ZBTB38: variants seen among roughly 807,000 people sequenced by gnomAD.
ZBTB38 encodes zinc finger and BTB domain containing 38.
In ZBTB38, 20 loss-of-function variants were observed where a neutral mutation model predicts 76.8. The ratio of observed to expected loss-of-function variants is 0.26; its 90% CI spans 0.18 to 0.38. ZBTB38 has a LOEUF of 0.38. Ranked by LOEUF, ZBTB38 falls within the 10% of genes least tolerant of loss-of-function variation. The probability of loss-of-function intolerance (pLI) is 1.00; values close to 1 mark genes in which losing one functional copy is unlikely to be tolerated. For synonymous variants in ZBTB38, 504 were observed against 544.2 expected, an observed-to-expected ratio of 0.93 and a Z score of 1.03; for missense variants, 1,082 against 1,482.3, an observed-to-expected ratio of 0.73 and a Z score of 4.43.
intron 5 of ZBTB38, among the ~76,000 whole-genome samples, chr3:141,409,550 A>C (rs1361742213): frequency 6.6e-6 from 1 of 152,210 alleles, no homozygotes; most frequent in Non-Finnish European, 1.5e-5. Flanking sequence ...GAGCAGAGAT[A>C]ATGTGCAAAC....
chr3:141,362,772 G>A (rs1040867594), intron 1 of ZBTB38, among the ~76,000 whole-genome samples: 7 of 152,058 alleles, frequency 4.6e-5, no homozygotes, highest in African/African-American at 1.7e-4. Flanking sequence ...GAGGGGAAAA[G>A]GATGCTGAGG....
intron 5 of ZBTB38, among the ~76,000 whole-genome samples, chr3:141,433,206 C>T (rs1045470561): frequency 6.6e-6 from 1 of 151,880 alleles, no homozygotes. Flanking sequence ...TATTCACTGT[C>T]TCTTTAGTCC....
chr3:141,364,326 T>C (rs1207478655), upstream of ZBTB38, among the ~76,000 whole-genome samples: 1 of 151,618 alleles, frequency 6.6e-6, no homozygotes, highest in Non-Finnish European at 1.5e-5. Context: ...TATTGTAAAA[T>C]ATATCTGATA....
intron 2 of ZBTB38, among the ~76,000 whole-genome samples, chr3:141,381,082 T>A (rs937889196): frequency 2.0e-5 from 3 of 152,240 alleles, no homozygotes; most frequent in African/African-American, 7.2e-5. Context: ...TAGAAGGCCC[T>A]GTTGTTTCAC....
chr3:141,364,824 T>C (rs147544775), upstream of ZBTB38, among the ~76,000 whole-genome samples: 176 of 151,822 alleles, frequency 1.2e-3, no homozygotes, highest in Non-Finnish European at 2.1e-3. Flanking sequence ...TTAAATGCAG[T>C]TCAAAATCAC....
chr3:141,395,143 C>T (rs562385846), intron 4 of ZBTB38, among the ~76,000 whole-genome samples: 10 of 152,264 alleles, frequency 6.6e-5, no homozygotes, highest in East Asian at 1.9e-4. Context: ...TCAGGCAGCA[C>T]GCTATCTATA....
intron 2 of ZBTB38, among the ~76,000 whole-genome samples, chr3:141,376,869 CAA>C (rs756333305): frequency 2.6e-4 from 39 of 152,328 alleles, no homozygotes; most frequent in Admixed American, 7.2e-4. Flanking sequence ...AGTTCAAGGG[CAA>C]AGATTGTTCA....
In ZBTB38 at chr3:141,447,483, T is replaced by A. The variant is rs1008894920; in HGVS notation, c.*1507T>A. On this transcript the variant is annotated 3_prime_UTR_variant, in exon 6 of 6. Transcript: ENST00000321464. ...AGCATATTCTATCATGTGGACTAGG[T>A]TCCTGGAAAGCCGGAACTCATGATT... 1 of 152,620 alleles carries A rather than the reference T, an allele frequency of 6.6e-6. No homozygotes were observed. The highest frequency in any genetic ancestry group is 2.4e-5 in the African/African-American group (1 of 41,494). 9.5% of individuals were successfully genotyped at this position (152,620 alleles called of 1,614,324 possible). A position where few individuals can be genotyped will look rare whatever the true frequency, so the allele number is the denominator to read the frequency against.
chr3:141,417,774 T>C (rs1232222736), intron 5 of ZBTB38, among the ~76,000 whole-genome samples: 1 of 152,168 alleles, frequency 6.6e-6, no homozygotes, highest in Non-Finnish European at 1.5e-5. Context: ...CCCAGCACTT[T>C]GGGAGTCTAA....
At chr3:141,376,654 C>T (rs901308668) in intron 2 of ZBTB38, among the ~76,000 whole-genome samples, 2 of 152,194 alleles carry the variant, frequency 1.3e-5, no homozygotes, top group African/African-American at 4.8e-5. Context: ...TTGTCCTGCA[C>T]AACTTTCTTG....
In ZBTB38 at chr3:141,443,137, A is replaced by G. The variant is rs750533521; in HGVS notation, c.749A>G (p.Lys250Arg). 2 of 1,614,214 alleles carry G rather than the reference A, an allele frequency of 1.2e-6. No homozygotes were observed. The highest frequency in any genetic ancestry group is 2.7e-5 in the African/African-American group (2 of 75,054). Residue 250 changes from lysine to arginine, a missense_variant, in exon 6 of 6, where the codon AAA becomes AGA. This residue lies in a region of ZBTB38 where 324 missense variants were observed against 359.1 expected (regional missense o/e 0.90). Transcript: ENST00000321464. The surrounding 1 kb of genome is among the most constrained non-coding windows in gnomAD (Gnocchi z 5.6). ...HDGSSPGNTG[K>R]ENCEALAAKP... ...GGCAGTTCACCTGGTAACACAGGGAAAGAAAATTGTGAAGCCCTTGCAGCG... is the reference window on the plus strand; with the variant it reads ...GGCAGTTCACCTGGTAACACAGGGAGAGAAAATTGTGAAGCCCTTGCAGCG...
rs755156967 is a variant in ZBTB38 at position 141,443,253 on chromosome 3, A to G, written c.865A>G (p.Asn289Asp). Residue 289 changes from asparagine (N) to aspartate (D), a missense_variant, in exon 6 of 6, where the codon AAC becomes GAC. By Grantham distance (23) the Asn-to-Asp change is conservative. Coordinates refer to ENST00000321464, the MANE Select transcript of ZBTB38 (RefSeq NM_001376113.1). The surrounding 1 kb of genome is among the most constrained non-coding windows in gnomAD (Gnocchi z 5.6). ...AAATATACCACCCCCTCCAGTATCC[A>G]ACTTAGAGGTTAATCAAGAAAGAAG... Reference protein sequence around the residue: ...TENIPPPPVSNLEVNQERSPQ... With the variant: ...TENIPPPPVSDLEVNQERSPQ... The G allele has an allele frequency of 1.2e-6, 2 of 1,614,170 alleles. No individual in the cohort carries two copies. The highest frequency in any genetic ancestry group is 2.2e-5 in the South Asian group (2 of 91,086).
At chr3:141,432,188 A>T in intron 5 of ZBTB38, 2 of 985,490 alleles carry the variant, frequency 2.0e-6, no homozygotes, top group African/African-American at 3.5e-5. Context: ...TCACTTTGAT[A>T]TGGCCCCTGT....
intron 1 of ZBTB38, among the ~76,000 whole-genome samples, chr3:141,328,048 T>C (rs1244069436): frequency 2.0e-5 from 3 of 152,152 alleles, no homozygotes; most frequent in African/African-American, 4.8e-5. Flanking sequence ...AAGTTCAAGA[T>C]GGGAAAGCCA....
intron 4 of ZBTB38, among the ~76,000 whole-genome samples, chr3:141,398,820 T>C (rs1377984189): frequency 6.6e-6 from 1 of 152,172 alleles, no homozygotes; most frequent in East Asian, 1.9e-4. Context: ...CTTAATAACA[T>C]CAAAACATCA....
At chr3:141,340,723 C>A (rs1420834050) in intron 1 of ZBTB38, among the ~76,000 whole-genome samples, 1 of 151,588 alleles carries the variant, frequency 6.6e-6, no homozygotes, top group Non-Finnish European at 1.5e-5. Flanking sequence ...TGGTGAAACC[C>A]CATCTCTACT....
chr3:141,412,748 C>T (rs187252174), intron 5 of ZBTB38, among the ~76,000 whole-genome samples: 4 of 152,112 alleles, frequency 2.6e-5, no homozygotes, highest in Non-Finnish European at 5.9e-5. Context: ...GGCAACAGCT[C>T]ACTGGAACTT....
chr3:141,330,019 A>G (rs536949613), intron 1 of ZBTB38, among the ~76,000 whole-genome samples: 253 of 151,762 alleles, frequency 1.7e-3, no homozygotes, highest in African/African-American at 5.9e-3. Context: ...TATAATTTAT[A>G]TACATTTATT....
rs769227270 is a variant in ZBTB38 at position 141,443,004 on chromosome 3, A to T, written c.616A>T (p.Thr206Ser). 6.2e-7 allele frequency: 1 copy of T among 1,614,098 alleles called. No homozygotes were observed. The highest frequency in any genetic ancestry group is 1.3e-5 in the African/African-American group (1 of 74,924). ...MRTASLCLER[T>S]DVCHEAEPVR... ...AACAGCTAGCCTTTGCCTGGAGAGG[A>T]CGGACGTCTGCCACGAGGCAGAGCC... The change falls in exon 6 of 6, where the codon ACG (threonine) becomes TCG (serine). Residue 206 changes from threonine (T) to serine (S), a missense_variant. Thr to Ser is a moderately conservative substitution (Grantham distance 58). Transcript: ENST00000321464. This position sits in a 1 kb window ranked among gnomAD's most constrained non-coding sequence, Gnocchi z 5.6.
Sources: gnomAD v4.1 joint callset for allele counts (sites outside exome capture counted in the v4.1 genomes callset) on GRCh38, gnomAD v4.1.1 for gene constraint, gnomAD v4.1.1 regional missense constraint, Gnocchi (gnomAD v3.1) non-coding constraint, MANE v1.5 for transcripts, NCBI Gene and HGNC (gene_info 2026-07-23, HGNC 2026-07-21) for gene names.